Variants in CHRM2 observed in about 807,000 individuals in gnomAD.
CHRM2 encodes the protein cholinergic receptor muscarinic 2.
CHRM2 carries 8 observed loss-of-function variants against 25.0 expected under a neutral mutation model. The ratio of observed to expected loss-of-function variants is 0.32; its 90% CI spans 0.19 to 0.58. CHRM2 has a LOEUF of 0.58. Among genes scored for constraint, CHRM2 ranks in the 20% least tolerant of loss-of-function variants. The probability of loss-of-function intolerance (pLI) is 0.88; values close to 1 mark genes in which losing one functional copy is unlikely to be tolerated. For missense variants in CHRM2, 440 were observed against 567.1 expected (o/e 0.78, Z 2.28); for synonymous variants, 202 against 205.7 (o/e 0.98, Z 0.15).
intron 2 of CHRM2, among the ~76,000 whole-genome samples, chr7:136,877,319 G>A (rs1290495799): frequency 2.0e-5 from 3 of 152,034 alleles, no homozygotes; most frequent in African/African-American, 7.2e-5. Context: ...ATACCTGTGT[G>A]TTTAGATGGG....
intron 2 of CHRM2, among the ~76,000 whole-genome samples, chr7:136,966,483 T>C (rs2130913078): frequency 6.6e-6 from 1 of 152,054 alleles, no homozygotes; most frequent in Non-Finnish European, 1.5e-5. Flanking sequence ...TAAGATTCCT[T>C]TGAATAAGGA....
chr7:136,928,202 T>C (rs953621275), intron 2 of CHRM2, among the ~76,000 whole-genome samples: 1 of 152,172 alleles, frequency 6.6e-6, no homozygotes, highest in African/African-American at 2.4e-5. Flanking sequence ...AGAAAAAAGT[T>C]GCCATAAATT....
intron 3 of CHRM2, 139 bp downstream of exon 3, chr7:136,992,403 T>C (rs538369565): frequency 2.6e-5 from 4 of 152,302 alleles, no homozygotes; most frequent in African/African-American, 7.2e-5. Context: ...TATGAAATAA[T>C]ATTAATCTGG....
intron 3 of CHRM2, among the ~76,000 whole-genome samples, chr7:137,006,166 C>T (rs1021152517): frequency 6.6e-6 from 1 of 152,102 alleles, no homozygotes; most frequent in Non-Finnish European, 1.5e-5. Context: ...AAGGTGGATG[C>T]AGAAGTCCTC....
intron 2 of CHRM2, among the ~76,000 whole-genome samples, chr7:136,901,449 T>C (rs1006243651): frequency 6.6e-6 from 1 of 152,052 alleles, no homozygotes; most frequent in African/African-American, 2.4e-5. Flanking sequence ...AATGTGTATT[T>C]ATTCATACAA....
chr7:136,966,836 G>T (rs1350701090), intron 2 of CHRM2, among the ~76,000 whole-genome samples: 2 of 151,610 alleles, frequency 1.3e-5, no homozygotes, highest in African/African-American at 4.8e-5. Flanking sequence ...TGGAATCAGT[G>T]TCAAAAATTC....
intron 2 of CHRM2, among the ~76,000 whole-genome samples, chr7:136,904,397 A>G (rs1425669444): frequency 6.6e-6 from 1 of 151,926 alleles, no homozygotes; most frequent in Admixed American, 6.6e-5. Context: ...GATGGCTACC[A>G]TTATCTATTT....
At chr7:136,930,898 CAA>C (rs57705639) in intron 2 of CHRM2, among the ~76,000 whole-genome samples, 1,719 of 60,684 alleles carry the variant, frequency 0.028, 4 homozygotes, top group Non-Finnish European at 0.052. Flanking sequence ...CTCATTCTCT[CAA>C]AAAAAAAAAA....
At chr7:136,967,042 T>C (rs1293597648) in intron 2 of CHRM2, among the ~76,000 whole-genome samples, 1 of 151,978 alleles carries the variant, frequency 6.6e-6, no homozygotes, top group Non-Finnish European at 1.5e-5. Flanking sequence ...GGAACAATAA[T>C]GATTCACAAG....
chr7:137,011,215 G>GTGTGTGTGTATATATATATA lies in CHRM2; in HGVS notation c.-46-3604_-46-3603insGTGTGTGTATATATATATAT. Among the ~76,000 whole-genome samples the GTGTGTGTGTATATATATATA allele has an allele frequency of 9.8e-4, 131 of 134,310 alleles. 1 individual carries two copies. The highest frequency in any genetic ancestry group is 2.1e-3 in the African/African-American group (64 of 31,206). 88.1% of individuals were successfully genotyped at this position (134,310 alleles called of 152,430 possible). ...TGTACGTGTGTGTGTGTGTGTGTGT[G>GTGTGTGTGTATATATATATA]TATATATATATATATATATGGATTT... is the stretch of plus-strand genomic sequence containing the variant. On this transcript the variant is annotated intron_variant, in intron 3 of 3. Transcript: ENST00000680005.
chr7:136,989,892 G>T (rs112066530), intron 2 of CHRM2, among the ~76,000 whole-genome samples: 2 of 151,956 alleles, frequency 1.3e-5, no homozygotes, highest in Middle Eastern at 3.2e-3. Context: ...TAAGCAGAGC[G>T]CATACGTTTT....
chr7:136,916,840 C>G (rs1798143244), intron 2 of CHRM2, among the ~76,000 whole-genome samples: 1 of 151,284 alleles, frequency 6.6e-6, no homozygotes, highest in Non-Finnish European at 1.5e-5. Context: ...CTCTTTCTCT[C>G]TCTCTCTCTC....
In CHRM2 at chr7:137,016,097, C is replaced by A. The variant is rs572334551; in HGVS notation, c.1232C>A (p.Thr411Asn). The A allele has an allele frequency of 6.2e-7, 1 of 1,612,292 alleles. No homozygotes were observed. The highest frequency in any genetic ancestry group is 1.3e-5 in the African/African-American group (1 of 74,892). ...TACAATGTCATGGTGCTCATTAACA[C>A]CTTTTGTGCACCTTGCATCCCCAAC... is the stretch of plus-strand genomic sequence containing the variant. ...APYNVMVLIN[T>N]FCAPCIPNTV... is the part of the protein sequence containing the mutation. Residue 411 changes from threonine (T) to asparagine (N), a missense_variant, in exon 4 of 4, where the codon ACC (threonine) becomes AAC (asparagine). Thr to Asn is a moderately conservative substitution (Grantham distance 65). This residue lies in a region of CHRM2 where 65 missense variants were observed against 108.9 expected (regional missense o/e 0.60). Coordinates refer to ENST00000680005, the MANE Select transcript of CHRM2 (RefSeq NM_001006630.2).
chr7:137,012,811 C>A (rs1226829565), intron 3 of CHRM2, among the ~76,000 whole-genome samples: 2 of 151,804 alleles, frequency 1.3e-5, no homozygotes, highest in East Asian at 3.9e-4. Context: ...TGTGGCATTC[C>A]TGAGACAAGT....
intron 2 of CHRM2, among the ~76,000 whole-genome samples, chr7:136,901,404 A>G (rs560048992): frequency 6.6e-6 from 1 of 152,218 alleles, no homozygotes; most frequent in East Asian, 1.9e-4. Flanking sequence ...AAATTTGAAA[A>G]TAGACACACT....
intron 2 of CHRM2, among the ~76,000 whole-genome samples, chr7:136,880,248 G>T (rs956889079): frequency 1.3e-5 from 2 of 151,422 alleles, no homozygotes; most frequent in Admixed American, 6.6e-5. Flanking sequence ...CCTATATTTT[G>T]GCATCTCTTG....
intron 2 of CHRM2, among the ~76,000 whole-genome samples, chr7:136,945,415 G>C (rs1800016561): frequency 6.6e-6 from 1 of 152,034 alleles, no homozygotes; most frequent in African/African-American, 2.4e-5. Context: ...TGTACGGTGA[G>C]AGATGAGGAT....
intron 2 of CHRM2, among the ~76,000 whole-genome samples, chr7:136,957,880 A>G (rs1451004898): frequency 6.6e-6 from 1 of 152,238 alleles, no homozygotes; most frequent in African/African-American, 2.4e-5. Flanking sequence ...ATCAATTCAA[A>G]AGTTTTTAAA....
chr7:136,879,748 T>C (rs1315337541), intron 2 of CHRM2, among the ~76,000 whole-genome samples: 1 of 151,922 alleles, frequency 6.6e-6, no homozygotes. Context: ...TCTTTAAATT[T>C]CTCTCATTTA....
Sources: allele counts gnomAD v4.1 joint callset (sites outside exome capture counted in the v4.1 genomes callset), GRCh38; gene constraint gnomAD v4.1.1; regional missense constraint gnomAD v4.1.1; transcripts MANE v1.5; gene names NCBI Gene and HGNC (gene_info 2026-07-23, HGNC 2026-07-21).